The following DOCK5 variants were observed in gnomAD, a reference collection of about 807,000 sequenced individuals.
The protein encoded by DOCK5 is dedicator of cytokinesis protein 5.
DOCK5 carries 142 observed loss-of-function variants against 251.8 expected under a neutral mutation model. That is an observed-to-expected ratio of 0.56 (90% CI 0.49 to 0.65). The LOEUF (loss-of-function observed/expected upper bound fraction) is 0.65, where lower values mean the gene tolerates loss of function less well. DOCK5 is among the 30% of genes least tolerant of loss of function. The pLI is 0.00. For synonymous variants in DOCK5, 842 were observed against 835.5 expected (o/e 1.01, Z -0.13); for missense variants, 2,111 against 2,312.3 (o/e 0.91, Z 1.79).
chr8:25,207,067 A>G (rs1424205538), intron 1 of DOCK5, among the ~76,000 whole-genome samples: 1 of 152,198 alleles, frequency 6.6e-6, no homozygotes, highest in East Asian at 1.9e-4. Context: ...CCGTGGCATC[A>G]CTGAAGAAGT....
chr8:25,220,122 A>G (rs994897020), intron 1 of DOCK5, among the ~76,000 whole-genome samples: 1 of 151,512 alleles, frequency 6.6e-6, no homozygotes, highest in Non-Finnish European at 1.5e-5. Flanking sequence ...TTTTTCCTCT[A>G]ATACTTGCAC....
intron 48 of DOCK5, among the ~76,000 whole-genome samples, chr8:25,407,099 A>G (rs530105762): frequency 1.5e-4 from 23 of 152,302 alleles, no homozygotes; most frequent in African/African-American, 5.3e-4. Context: ...AAAAATATGT[A>G]TGTAACTTGT....
intron 34 of DOCK5, among the ~76,000 whole-genome samples, chr8:25,372,070 G>T (rs1378163212): frequency 6.6e-6 from 1 of 152,192 alleles, no homozygotes; most frequent in Non-Finnish European, 1.5e-5. Context: ...AGGTTCCCAG[G>T]TTCCTCTAGG....
intron 1 of DOCK5, among the ~76,000 whole-genome samples, chr8:25,205,713 GT>G (rs1366188736): frequency 1.3e-5 from 2 of 152,300 alleles, no homozygotes; most frequent in African/African-American, 4.8e-5. Flanking sequence ...GAACTCATGA[GT>G]TTGCAGGTCT....
chr8:25,241,980 A>C, intron 1 of DOCK5, among the ~76,000 whole-genome samples: 1 of 151,524 alleles, frequency 6.6e-6, no homozygotes, highest in Admixed American at 6.6e-5. Flanking sequence ...AGGGAGGGGA[A>C]CATCACACAC....
chr8:25,318,566 T>A (rs1161954234), intron 14 of DOCK5, among the ~76,000 whole-genome samples: 1 of 133,756 alleles, frequency 7.5e-6, no homozygotes, highest in Non-Finnish European at 1.6e-5. Context: ...TCTTCTATTT[T>A]CCTTTCTTTT....
intron 2 of DOCK5, among the ~76,000 whole-genome samples, chr8:25,255,277 A>T (rs754872724): frequency 6.6e-6 from 1 of 152,256 alleles, no homozygotes; most frequent in Non-Finnish European, 1.5e-5. Context: ...AGCTTTATTC[A>T]TAATTGCCAA....
chr8:25,396,707 TTAAAG>T (rs1801351224), intron 45 of DOCK5, among the ~76,000 whole-genome samples: 1 of 151,726 alleles, frequency 6.6e-6, no homozygotes, highest in African/African-American at 2.4e-5. Context: ...TGGGTAGAAA[TTAAAG>T]GAGCCAGAGG....
At chr8:25,262,785 C>A (rs1803628566) in intron 2 of DOCK5, among the ~76,000 whole-genome samples, 1 of 151,990 alleles carries the variant, frequency 6.6e-6, no homozygotes, top group South Asian at 2.1e-4. Context: ...GATGCAGATA[C>A]CCATTAATCC....
chr8:25,406,343 AT>A (rs951105469), intron 48 of DOCK5, among the ~76,000 whole-genome samples: 8 of 152,204 alleles, frequency 5.3e-5, no homozygotes, highest in African/African-American at 1.9e-4. Context: ...ATGAGCATTT[AT>A]GCATCATTAA....
intron 38 of DOCK5, 90 bp from the exon 39 acceptor site, chr8:25,380,215 C>T: frequency 8.6e-7 from 1 of 1,166,022 alleles, no homozygotes; most frequent in Non-Finnish European, 1.3e-6. Context: ...AGACCACTTG[C>T]TCATTCCCAG....
intron 1 of DOCK5, among the ~76,000 whole-genome samples, chr8:25,228,401 G>A (rs1270950239): frequency 1.3e-5 from 2 of 152,196 alleles, no homozygotes; most frequent in Non-Finnish European, 2.9e-5. Context: ...TCAAGGGTGA[G>A]CCAGTGGTGT....
chr8:25,289,426 A>G (rs1304376591), intron 5 of DOCK5, among the ~76,000 whole-genome samples: 1 of 151,498 alleles, frequency 6.6e-6, no homozygotes, highest in Non-Finnish European at 1.5e-5. Flanking sequence ...TGCTGGGATT[A>G]CAGATGTGAG....
intron 2 of DOCK5, among the ~76,000 whole-genome samples, chr8:25,260,403 C>A: frequency 7.1e-6 from 1 of 139,964 alleles, no homozygotes; most frequent in East Asian, 2.1e-4. Context: ...TGTATAGAAA[C>A]ATAGCTCTTT....
chr8:25,339,753 G>A (rs1018930275), intron 22 of DOCK5, among the ~76,000 whole-genome samples: 16 of 152,350 alleles, frequency 1.1e-4, no homozygotes, highest in Admixed American at 8.5e-4. Context: ...GTGGGGCCTT[G>A]TAGGCCATAG....
At chr8:25,329,031 G>A (rs925717999) in intron 18 of DOCK5, among the ~76,000 whole-genome samples, 1 of 152,210 alleles carries the variant, frequency 6.6e-6, no homozygotes, top group African/African-American at 2.4e-5. Context: ...TGCAGTTACA[G>A]AGTCTCCAAG....
intron 26 of DOCK5, among the ~76,000 whole-genome samples, chr8:25,346,115 G>T (rs1318932226): frequency 6.6e-6 from 1 of 152,078 alleles, no homozygotes; most frequent in Non-Finnish European, 1.5e-5. Flanking sequence ...CTCCCAAAGT[G>T]GTGGGATTAC....
intron 44 of DOCK5, 126 bp from the exon 45 acceptor site, chr8:25,395,417 A>G: frequency 9.3e-7 from 1 of 1,072,938 alleles, no homozygotes; most frequent in South Asian, 1.5e-5. Flanking sequence ...AACCTTGATT[A>G]GCAAATCTTC....
chr8:25,193,136 A>G (rs1366871697), intron 1 of DOCK5, among the ~76,000 whole-genome samples: 2 of 152,168 alleles, frequency 1.3e-5, no homozygotes, highest in African/African-American at 4.8e-5. Flanking sequence ...GTGAACACTG[A>G]GTTAGTGAAT....
Sources: gnomAD v4.1 joint callset for allele counts (sites outside exome capture counted in the v4.1 genomes callset) on GRCh38, gnomAD v4.1.1 for gene constraint, MANE v1.5 for transcripts, NCBI Gene and HGNC (gene_info 2026-07-23, HGNC 2026-07-21) for gene names.